GTF2F2: variants seen among roughly 807,000 people sequenced by gnomAD.
GTF2F2 encodes the protein general transcription factor IIF subunit 2, also known as ATP-dependent helicase GTF2F2.
Under a neutral mutation model 42.2 loss-of-function variants are expected in GTF2F2, and 23 were observed. The ratio of observed to expected loss-of-function variants is 0.55; its 90% confidence interval spans 0.39 to 0.77. The LOEUF is 0.77. Among genes scored for constraint, GTF2F2 ranks in the 30% least tolerant of loss-of-function variants. The pLI is 0.00. For synonymous variants in GTF2F2, 105 were observed against 100.8 expected (o/e 1.04, Z -0.25); for missense variants, 261 against 287.2 (o/e 0.91, Z 0.66).
chr13:45,246,982 G>A (rs1186021055), intron 5 of GTF2F2, among the ~76,000 whole-genome samples: 1 of 150,288 alleles, frequency 6.7e-6, no homozygotes, highest in African/African-American at 2.5e-5. Flanking sequence ...AGCTTGCAGT[G>A]AGCCGAGATA....
At chr13:45,208,808 G>A (rs528593070) in intron 5 of GTF2F2, among the ~76,000 whole-genome samples, 1 of 152,280 alleles carries the variant, frequency 6.6e-6, no homozygotes, top group East Asian at 1.9e-4. Flanking sequence ...GCAAATAAAA[G>A]AATGACAATC....
At chr13:45,211,186 T>C (rs1313346045) in intron 5 of GTF2F2, among the ~76,000 whole-genome samples, 1 of 152,152 alleles carries the variant, frequency 6.6e-6, no homozygotes, top group African/African-American at 2.4e-5. Context: ...GTTTTTGTAG[T>C]CCCCGTGTCC....
intron 4 of GTF2F2, among the ~76,000 whole-genome samples, chr13:45,195,940 G>A (rs1353651146): frequency 6.6e-6 from 1 of 152,174 alleles, no homozygotes; most frequent in Non-Finnish European, 1.5e-5. Flanking sequence ...ACAGGCATGA[G>A]CTACTGCGCT....
Position 45,120,552 on chromosome 13 carries a change from C to A in GTF2F2, c.-104C>A. On this transcript the variant is annotated 5_prime_UTR_variant, in exon 1 of 8. Coordinates refer to ENST00000340473, the MANE Select transcript of GTF2F2 (RefSeq NM_004128.3). ...TGGCAGGTAAGGAACGCCGGCTCTT[C>A]GCCTCTCAGCGCGGCTTGTCCTTTG... is the stretch of plus-strand genomic sequence containing the variant. 1.3e-6 allele frequency: 1 copy of A among 775,184 alleles called. No individual in the cohort carries two copies. The allele number at this position is 775,184 out of a possible 1,614,324, so 48.0% of individuals were successfully genotyped here. A position where few individuals can be genotyped will look rare whatever the true frequency, so the allele number is the denominator to read the frequency against.
chr13:45,260,052 G>T (rs1876271927), intron 6 of GTF2F2, among the ~76,000 whole-genome samples: 1 of 151,284 alleles, frequency 6.6e-6, no homozygotes, highest in Non-Finnish European at 1.5e-5. Flanking sequence ...TGCTCAGATG[G>T]GTAAGAGAAA....
intron 5 of GTF2F2, among the ~76,000 whole-genome samples, chr13:45,212,505 T>TTCTTTCTTTCTTTCTTTCTC (rs2138195563): frequency 8.1e-6 from 1 of 124,100 alleles, no homozygotes; most frequent in African/African-American, 2.9e-5. Flanking sequence ...CTTTCTTTCT[T>TTCTTTCTTTCTTTCTTTCTC]TCTTTTCTTT....
chr13:45,235,398 A>T (rs1013817229), intron 5 of GTF2F2, among the ~76,000 whole-genome samples: 5 of 152,020 alleles, frequency 3.3e-5, no homozygotes. Context: ...AATGCATTAT[A>T]GTTCATCATT....
chr13:45,176,690 A>C (rs1236729503), intron 4 of GTF2F2, among the ~76,000 whole-genome samples: 2 of 152,170 alleles, frequency 1.3e-5, no homozygotes, highest in African/African-American at 4.8e-5. Flanking sequence ...AATTGAGATC[A>C]TAAAGTTATT....
chr13:45,196,657 A>C (rs1421137680), intron 4 of GTF2F2, among the ~76,000 whole-genome samples: 3 of 152,224 alleles, frequency 2.0e-5, no homozygotes, highest in Admixed American at 1.3e-4. Context: ...ACATAACTGT[A>C]GTATAGTGAT....
intron 4 of GTF2F2, among the ~76,000 whole-genome samples, chr13:45,155,917 T>G (rs1014108177): frequency 2.6e-5 from 4 of 152,228 alleles, no homozygotes; most frequent in African/African-American, 9.6e-5. Context: ...ATCATTTCTA[T>G]TTTTCCTGCC....
intron 2 of GTF2F2, 47 bp from the exon 3 acceptor site, chr13:45,149,723 A>G: frequency 6.8e-7 from 1 of 1,465,242 alleles, no homozygotes; most frequent in Non-Finnish European, 9.1e-7. Context: ...ATTTGAAAAC[A>G]ACATGAAATC....
At chr13:45,138,193 T>C (rs1474535735) in intron 2 of GTF2F2, among the ~76,000 whole-genome samples, 1 of 152,206 alleles carries the variant, frequency 6.6e-6, no homozygotes, top group Non-Finnish European at 1.5e-5. Flanking sequence ...AAATGTTATG[T>C]GACCCCAGGA....
chr13:45,190,957 C>A (rs1218021018), intron 4 of GTF2F2, among the ~76,000 whole-genome samples: 2 of 147,584 alleles, frequency 1.4e-5, no homozygotes, highest in Admixed American at 6.7e-5. Flanking sequence ...AAAAAAAAAA[C>A]TGAATAAGCT....
At chr13:45,203,431 C>A (rs1428782597) in intron 4 of GTF2F2, among the ~76,000 whole-genome samples, 2 of 152,040 alleles carry the variant, frequency 1.3e-5, no homozygotes, top group Non-Finnish European at 2.9e-5. Flanking sequence ...TGAAAAGGAG[C>A]AAGAACTTAG....
At chr13:45,267,011 T>C (rs544004789) in intron 6 of GTF2F2, among the ~76,000 whole-genome samples, 1 of 152,152 alleles carries the variant, frequency 6.6e-6, no homozygotes, top group East Asian at 1.9e-4. Flanking sequence ...TAGCCAGGCG[T>C]AGTGGCGGGC....
At chr13:45,242,319 G>A (rs955842958) in intron 5 of GTF2F2, among the ~76,000 whole-genome samples, 2 of 145,172 alleles carry the variant, frequency 1.4e-5, no homozygotes, top group Admixed American at 7.1e-5. Context: ...TCTCACTCAC[G>A]GGCAGTCTCA....
At chr13:45,213,756 A>G (rs1873788986) in intron 5 of GTF2F2, among the ~76,000 whole-genome samples, 2 of 152,102 alleles carry the variant, frequency 1.3e-5, no homozygotes, top group Non-Finnish European at 2.9e-5. Flanking sequence ...TATGAGAATC[A>G]TCAGCATTCA....
intron 5 of GTF2F2, among the ~76,000 whole-genome samples, chr13:45,245,597 C>T (rs1254197963): frequency 3.3e-5 from 5 of 150,072 alleles, no homozygotes; most frequent in Admixed American, 1.3e-4. Flanking sequence ...CGGTCTCCAA[C>T]TCCACCCAGG....
At chr13:45,154,543 T>C (rs1033414444) in intron 4 of GTF2F2, among the ~76,000 whole-genome samples, 2 of 152,214 alleles carry the variant, frequency 1.3e-5, no homozygotes, top group Non-Finnish European at 2.9e-5. Flanking sequence ...TCTAAGTTGC[T>C]ATTAGTTATA....
Sources: allele counts gnomAD v4.1 joint callset (sites outside exome capture counted in the v4.1 genomes callset), GRCh38; gene constraint gnomAD v4.1.1; transcripts MANE v1.5; gene names NCBI Gene and HGNC (gene_info 2026-07-23, HGNC 2026-07-21).